The following KIF20B variants were observed in gnomAD, a reference collection of about 807,000 sequenced individuals.
KIF20B encodes kinesin family member 20B.
A neutral mutation model predicts 232.5 loss-of-function variants in KIF20B; 188 were observed. The ratio of observed to expected loss-of-function variants is 0.81; its 90% CI spans 0.72 to 0.91. The LOEUF (loss-of-function observed/expected upper bound fraction) is 0.91, where lower values mean the gene tolerates loss of function less well. Among genes scored for constraint, KIF20B ranks in the 40% least tolerant of loss-of-function variants. The pLI, the probability that KIF20B is intolerant of heterozygous loss-of-function variation, is 0.00. For missense variants in KIF20B, 2,154 were observed against 2,055.9 expected, an observed-to-expected ratio of 1.05 and a Z score of -0.92; for synonymous variants, 712 against 683.0, an observed-to-expected ratio of 1.04 and a Z score of -0.66.
intron 11 of KIF20B, among the ~76,000 whole-genome samples, chr10:89,718,296 G>C (rs575760768): frequency 3.9e-5 from 6 of 152,176 alleles, no homozygotes; most frequent in African/African-American, 1.4e-4. Flanking sequence ...GGCCGAGGCA[G>C]GAGGATTGCT....
intron 21 of KIF20B, among the ~76,000 whole-genome samples, chr10:89,742,863 C>A (rs1841833501): frequency 6.6e-6 from 1 of 151,956 alleles, no homozygotes. Flanking sequence ...CCATGCCCGG[C>A]TAATGTTTTT....
chr10:89,749,145 T>C (rs919663634), intron 23 of KIF20B, among the ~76,000 whole-genome samples: 1 of 152,254 alleles, frequency 6.6e-6, no homozygotes, highest in Admixed American at 6.5e-5. Context: ...TCAGCCACTT[T>C]GGTAACTTGC....
intron 20 of KIF20B, 106 bp downstream of exon 20, chr10:89,738,723 A>G: frequency 3.0e-6 from 4 of 1,346,120 alleles, no homozygotes; most frequent in Non-Finnish European, 2.9e-6. Context: ...AAAGCGTAGC[A>G]TGTATGATGA....
chr10:89,728,050 GTTC>G (rs1179458064), intron 17 of KIF20B, among the ~76,000 whole-genome samples, 154 bp downstream of exon 17: 3 of 151,858 alleles, frequency 2.0e-5, no homozygotes, highest in Non-Finnish European at 4.4e-5. Context: ...TATTTTTTCT[GTTC>G]TTCTTTGGCT....
intron 16 of KIF20B, 95 bp from the exon 17 acceptor site, chr10:89,727,761 A>G (rs545005706): frequency 9.3e-7 from 1 of 1,080,126 alleles, no homozygotes; most frequent in Non-Finnish European, 1.3e-6. Flanking sequence ...TGTAACAGTA[A>G]AGTGTCACTA....
intron 13 of KIF20B, among the ~76,000 whole-genome samples, chr10:89,722,040 T>C (rs1339590017): frequency 6.6e-6 from 1 of 152,048 alleles, no homozygotes; most frequent in African/African-American, 2.4e-5. Context: ...GTCTCCTGAG[T>C]AGCTGGGACC....
chr10:89,748,141 C>T (rs1179813136), intron 23 of KIF20B, among the ~76,000 whole-genome samples: 1 of 152,184 alleles, frequency 6.6e-6, no homozygotes, highest in African/African-American at 2.4e-5. Flanking sequence ...TCCTGAGTAG[C>T]TGGGATTACA....
chr10:89,709,450 A>G lies in KIF20B; in HGVS notation c.340A>G (p.Ser114Gly). The change falls in exon 4 of 33, where the codon AGT becomes GGT. Residue 114 changes from serine (S) to glycine (G), a missense_variant. Ser to Gly is a moderately conservative substitution (Grantham distance 56). Transcript: ENST00000371728. ...CTCAGGGCAGATGGCACAGAAATTC[A>G]GTTTTTCCAAGGTAAAACTGAAGTG... ...KSSGQMAQKF[S>G]FSKVFGPATT... 6.2e-7 allele frequency: 1 copy of G among 1,609,062 alleles called. No homozygotes were observed. The highest frequency in any genetic ancestry group is 8.5e-7 in the Non-Finnish European group (1 of 1,176,164).
chr10:89,722,143 G>A (rs1049191420), intron 13 of KIF20B, among the ~76,000 whole-genome samples: 1 of 152,072 alleles, frequency 6.6e-6, no homozygotes, highest in African/African-American at 2.4e-5. Flanking sequence ...TGAACCCTTG[G>A]GCTCAGGCAA....
intron 29 of KIF20B, among the ~76,000 whole-genome samples, chr10:89,763,831 C>A (rs1031723340): frequency 6.7e-6 from 1 of 148,688 alleles, no homozygotes; most frequent in Non-Finnish European, 1.5e-5. Context: ...ACTATTATTA[C>A]TATTTATTAA....
chr10:89,762,816 A>T lies in KIF20B; in HGVS notation c.4970A>T (p.Lys1657Met). 1 of 1,610,848 alleles carries T rather than the reference A, an allele frequency of 6.2e-7. No homozygotes were observed. ...AAGATTCCCAAGGCTCGGAAGAGGA[A>T]GAGTAATGAAATGGAGGAGGTAAAT... Reference protein sequence around the residue: ...TVKIPKARKRKSNEMEEDLVK... With the variant: ...TVKIPKARKRMSNEMEEDLVK... Residue 1657 changes from lysine to methionine, a missense_variant, in exon 29 of 33, where the codon AAG becomes ATG. Lys to Met is a moderately conservative substitution (Grantham distance 95). Coordinates refer to ENST00000371728, the MANE Select transcript of KIF20B (RefSeq NM_001284259.2).
rs756348312 is a variant in KIF20B, at chr10:89,732,969, C to T, written c.2458C>T (p.Pro820Ser). The T allele has an allele frequency of 3.1e-6, 5 of 1,612,376 alleles. No individual in the cohort carries two copies. The highest frequency in any genetic ancestry group is 1.1e-5 in the South Asian group (1 of 90,998). ...KLICNETVEVPKDSKSKICSE... is the reference protein window; with the variant it reads ...KLICNETVEVSKDSKSKICSE... ...GATTTGTAATGAAACAGTTGAAGTA[C>T]CTAAGGACAGCAAATCTAAAATCTG... Residue 820 changes from proline to serine, a missense_variant, in exon 19 of 33, where the codon CCT (proline) becomes TCT (serine). Pro to Ser is a moderately conservative substitution (Grantham distance 74, BLOSUM62 -1). Transcript: ENST00000371728.
intron 6 of KIF20B, among the ~76,000 whole-genome samples, chr10:89,711,649 T>C (rs1355570034): frequency 6.6e-6 from 1 of 152,068 alleles, no homozygotes; most frequent in African/African-American, 2.4e-5. Context: ...GTGTATATCT[T>C]CATACCTTTG....
At chr10:89,705,237 G>T (rs1445410734) in intron 1 of KIF20B, 57 bp from the exon 2 acceptor site, 44 of 1,487,164 alleles carry the variant, frequency 3.0e-5, no homozygotes, top group Admixed American at 8.7e-5. Context: ...TGAAAGTGTG[G>T]GTGGCTTACA....
At position 89,738,225 on chromosome 10, in the gene KIF20B, G is replaced by A. The variant is rs764379477; in HGVS notation, c.3384G>A (p.Leu1128=). Residue 1128 remains leucine, a synonymous_variant, in exon 20 of 33, where the codon TTG becomes TTA. Coordinates refer to ENST00000371728, the MANE Select transcript of KIF20B (RefSeq NM_001284259.2). ...ETLIQQLKEE[L]QEKNVTLDVQ... is the part of the protein sequence containing the mutation. ...TTATACAGCAGCTGAAAGAAGAATT[G>A]CAAGAAAAAAATGTTACTCTTGATG... The A allele has an allele frequency of 2.5e-6, 4 of 1,600,474 alleles. No individual in the cohort carries two copies. In the Admixed American group the frequency reaches 5.2e-5, roughly 21 times the overall value.
chr10:89,758,030 C>G (rs979637569), intron 26 of KIF20B, among the ~76,000 whole-genome samples: 5 of 151,890 alleles, frequency 3.3e-5, no homozygotes, highest in Non-Finnish European at 7.4e-5. Flanking sequence ...TAGATAATTG[C>G]TGTCATTTTG....
chr10:89,718,426 G>A (rs1406162850), intron 11 of KIF20B, among the ~76,000 whole-genome samples: 1 of 152,116 alleles, frequency 6.6e-6, no homozygotes, highest in Non-Finnish European at 1.5e-5. Context: ...CGAGAGGATC[G>A]CTTGAGCCTA....
chr10:89,750,100 T>A (rs1295449523), intron 23 of KIF20B, among the ~76,000 whole-genome samples: 2 of 152,154 alleles, frequency 1.3e-5, no homozygotes. Context: ...CTGGAGTCAA[T>A]GACTGATTAA....
rs746740786 is a variant in KIF20B, at chr10:89,710,038, A to C, written c.463A>C (p.Asn155His). 1 of 1,607,984 alleles carries C rather than the reference A, an allele frequency of 6.2e-7. No homozygotes were observed. Among genetic ancestry groups the C allele is most frequent in the Non-Finnish European group, 8.5e-7 (1 of 1,177,524 alleles). Residue 155 changes from asparagine to histidine, a missense_variant, in exon 5 of 33, where the codon AAT (asparagine) becomes CAT (histidine). Coordinates refer to ENST00000371728, the MANE Select transcript of KIF20B (RefSeq NM_001284259.2). ...TCTGATTTTTACTTACGGGCTAACC[A>C]ATTCAGGAAAAACATATACATTTCA... ...SRLIFTYGLT[N>H]SGKTYTFQGT...
Sources: allele counts gnomAD v4.1 joint callset (sites outside exome capture counted in the v4.1 genomes callset), GRCh38; gene constraint gnomAD v4.1.1; transcripts MANE v1.5; gene names NCBI Gene and HGNC (gene_info 2026-07-23, HGNC 2026-07-21).